ZFPM1: variants seen among roughly 807,000 people sequenced by gnomAD.
ZFPM1 encodes zinc finger protein ZFPM1.
A neutral mutation model predicts 46.3 loss-of-function variants in ZFPM1; 28 were observed. That is an observed-to-expected ratio of 0.60 (90% CI 0.45 to 0.83). The LOEUF is 0.83. Among genes scored for constraint, ZFPM1 ranks in the 40% least tolerant of loss-of-function variants. The pLI is 0.00. For synonymous variants in ZFPM1, 957 were observed against 675.9 expected, an observed-to-expected ratio of 1.42 and a Z score of -6.45; for missense variants, 1,878 against 1,432.4, an observed-to-expected ratio of 1.31 and a Z score of -5.02.
chr16:88,493,161 GGAGAGCTGTCCCGGAGTGA>G (rs1909696882), intron 3 of ZFPM1, among the ~76,000 whole-genome samples: 1 of 109,012 alleles, frequency 9.2e-6, no homozygotes, highest in Admixed American at 1.1e-4. Flanking sequence ...CCCGGGGTGA[GGAGAGCTGTCCCGGAGTGA>G]GGAGAGCTGT....
chr16:88,509,338 G>T (rs180788708), intron 3 of ZFPM1, among the ~76,000 whole-genome samples: 3 of 152,388 alleles, frequency 2.0e-5, no homozygotes, highest in African/African-American at 7.2e-5. Context: ...CGGGCGGAGC[G>T]ATGGGGCCGA....
intron 1 of ZFPM1, among the ~76,000 whole-genome samples, chr16:88,479,277 C>T (rs1006599601): frequency 6.6e-6 from 1 of 152,126 alleles, no homozygotes. Flanking sequence ...TACCACTGCT[C>T]TCTGTGCTTC....
At position 88,533,712 on chromosome 16, in the gene ZFPM1, C is replaced by A; in HGVS notation, c.1754C>A (p.Thr585Asn). 6.6e-7 allele frequency: 1 copy of A among 1,515,860 alleles called. No individual in the cohort carries two copies. Among genetic ancestry groups the A allele is most frequent in the Non-Finnish European group, 8.9e-7 (1 of 1,127,050 alleles). 93.9% of individuals were successfully genotyped at this position (1,515,860 alleles called of 1,614,324 possible). ...KGATCFECEI[T>N]FSNVNNYYVH... The stretch of plus-strand genomic sequence containing the variant: ...GCTACGTGCTTCGAGTGCGAGATCA[C>A]CTTCAGCAACGTCAACAACTACTAC... Residue 585 changes from threonine to asparagine, a missense_variant, in exon 10 of 10, where the codon ACC becomes AAC. Physicochemically the swap from Thr to Asn is moderately conservative, Grantham distance 65. Transcript: ENST00000319555.
chr16:88,528,286 G>C, intron 6 of ZFPM1, 48 bp downstream of exon 6: 1 of 1,531,648 alleles, frequency 6.5e-7, no homozygotes, highest in Non-Finnish European at 8.8e-7. Context: ...CACCAAGGAG[G>C]AGCAGGCAGG....
intron 6 of ZFPM1, 25 bp from the exon 7 acceptor site, chr16:88,531,977 A>AC: frequency 6.4e-7 from 1 of 1,572,980 alleles, no homozygotes; most frequent in African/African-American, 1.3e-5. Context: ...CTTCAGCCTG[A>AC]CCCCGCCTGC....
chr16:88,514,583 G>A (rs1911177913), intron 4 of ZFPM1, 63 bp downstream of exon 4: 6 of 1,495,266 alleles, frequency 4.0e-6, no homozygotes, highest in Non-Finnish European at 4.5e-6. Context: ...TGGACCCAGG[G>A]GACAGGCCCA....
intron 5 of ZFPM1, among the ~76,000 whole-genome samples, chr16:88,527,435 C>T (rs1353655504): frequency 6.6e-6 from 1 of 152,110 alleles, no homozygotes; most frequent in South Asian, 2.1e-4. Flanking sequence ...GGGGATGAAG[C>T]GGGAGGCCCT....
rs139122310 is a variant in ZFPM1, at chr16:88,485,971, G to T, written c.73G>T (p.Val25Leu). ...SLGDMEAREE[V>L]QLVGASHMEQ... ...CGGAGACATGGAGGCCAGAGAGGAG[G>T]TGCAGTTGGTGGGTGCCAGCCACAT... Residue 25 changes from valine to leucine, a missense_variant, in exon 2 of 10, where the codon GTG (valine) becomes TTG (leucine). Transcript: ENST00000319555. The T allele has an allele frequency of 6.2e-7, 1 of 1,612,760 alleles. No homozygotes were observed. Among genetic ancestry groups the T allele is most frequent in the East Asian group, 2.2e-5 (1 of 44,888 alleles).
rs547315694 is a variant in ZFPM1 at position 88,474,873 on chromosome 16, C to A, written c.41-11066C>A. On this transcript the variant is annotated intron_variant, in intron 1 of 9. Coordinates refer to ENST00000319555, the MANE Select transcript of ZFPM1 (RefSeq NM_153813.3). ...AGAGCCTCCCAGCCTCTGTTCACAG[C>A]AGCTCTTCGAGACTGATGAGTCCAT... Among the ~76,000 whole-genome samples the A allele has an allele frequency of 2.0e-5, 3 of 152,370 alleles. No homozygotes were observed. The South Asian group carries it at 6.2e-4, about 32-fold the overall frequency.
At chr16:88,524,250 C>T (rs1236906998) in intron 4 of ZFPM1, among the ~76,000 whole-genome samples, 4 of 152,194 alleles carry the variant, frequency 2.6e-5, no homozygotes, top group African/African-American at 7.2e-5. Context: ...CCTCGCCGAG[C>T]GCTGCCCGCC....
At chr16:88,508,851 G>A (rs1026928584) in intron 3 of ZFPM1, among the ~76,000 whole-genome samples, 1 of 152,182 alleles carries the variant, frequency 6.6e-6, no homozygotes, top group African/African-American at 2.4e-5. Context: ...CCTTGGGCAG[G>A]TCACCTCACC....
Position 88,534,104 on chromosome 16 carries a change from C to T in ZFPM1, c.2146C>T (p.Arg716Ter). The change falls in exon 10 of 10, where the codon CGA becomes TGA. Residue 716 changes from arginine to a stop codon, truncating the protein, a stop_gained. Coordinates refer to ENST00000319555, the MANE Select transcript of ZFPM1 (RefSeq NM_153813.3). LOFTEE classifies it low-confidence loss of function (END_TRUNC). ...CTCGCGCCACGACCCGCCGCCGCGC[C>T]GACCGGCCGCGCCCCCGGGACCCCC... ...CASRHDPPPRRPAAPPGPPGP... is the reference protein window; with the variant it reads ...CASRHDPPPR 1.7e-6 allele frequency: 2 copies of T among 1,171,262 alleles called. No homozygotes were observed. Among genetic ancestry groups the T allele is most frequent in the Non-Finnish European group, 2.2e-6 (2 of 929,046 alleles). 72.6% of individuals were successfully genotyped at this position (1,171,262 alleles called of 1,614,324 possible).
At chr16:88,512,799 G>A (rs910381006) in intron 3 of ZFPM1, among the ~76,000 whole-genome samples, 17 of 152,074 alleles carry the variant, frequency 1.1e-4, no homozygotes, top group South Asian at 4.1e-4. Context: ...GCCCACCCCC[G>A]AGGCCTGGCC....
chr16:88,516,041 C>A, intron 4 of ZFPM1: 1 of 398,170 alleles, frequency 2.5e-6, no homozygotes, highest in Non-Finnish European at 4.4e-6. Flanking sequence ...GAGTTCCAGA[C>A]ACACCACACG....
In ZFPM1 at chr16:88,536,972, G is replaced by T. The variant is rs1288783593; in HGVS notation, c.*1993G>T. Reference sequence around the variant, plus strand: ...TTCTAAAAAATAGAAACCTGGTGGGGGGTTGTCACTGTGTGTACATTTAAA... The same window carrying T: ...TTCTAAAAAATAGAAACCTGGTGGGTGGTTGTCACTGTGTGTACATTTAAA... On this transcript the variant is annotated 3_prime_UTR_variant, in exon 10 of 10. Transcript: ENST00000319555. 1 of 152,134 alleles carries T rather than the reference G, an allele frequency of 6.6e-6. No individual in the cohort carries two copies. The allele number at this position is 152,134 out of a possible 1,614,324, so 9.4% of individuals were successfully genotyped here. A position where few individuals can be genotyped will look rare whatever the true frequency, so the allele number is the denominator to read the frequency against.
intron 1 of ZFPM1, among the ~76,000 whole-genome samples, chr16:88,476,402 G>A (rs1020300482): frequency 5.3e-5 from 8 of 152,148 alleles, no homozygotes; most frequent in East Asian, 1.9e-4. Context: ...GGGTGCGGCC[G>A]TGAGCATACG....
intron 4 of ZFPM1, among the ~76,000 whole-genome samples, chr16:88,522,627 C>G (rs536892183): frequency 6.6e-6 from 1 of 152,244 alleles, no homozygotes; most frequent in Non-Finnish European, 1.5e-5. Flanking sequence ...ACCGCAGAAT[C>G]AAGACACTGA....
chr16:88,484,868 G>T (rs116884016), intron 1 of ZFPM1, among the ~76,000 whole-genome samples: 1 of 152,230 alleles, frequency 6.6e-6, no homozygotes, highest in Non-Finnish European at 1.5e-5. Flanking sequence ...CACTTGGGCC[G>T]CGTGGCCTTG....
intron 3 of ZFPM1, among the ~76,000 whole-genome samples, chr16:88,502,396 T>G (rs1910414665): frequency 6.6e-6 from 1 of 151,870 alleles, no homozygotes; most frequent in Non-Finnish European, 1.5e-5. Context: ...GACCCACCTC[T>G]GCCCCATAGG....
Sources: gnomAD v4.1 joint callset for allele counts (sites outside exome capture counted in the v4.1 genomes callset) on GRCh38, gnomAD v4.1.1 for gene constraint, MANE v1.5 for transcripts, NCBI Gene and HGNC (gene_info 2026-07-23, HGNC 2026-07-21) for gene names.